Variants in DCC observed in about 807,000 individuals in gnomAD.
DCC encodes the protein netrin receptor DCC.
DCC carries 58 observed loss-of-function variants against 172.5 expected under a neutral mutation model. The observed-to-expected ratio is 0.34, with a 90% CI of 0.27 to 0.42. The LOEUF (loss-of-function observed/expected upper bound fraction) is 0.42. Among genes scored for constraint, DCC ranks in the 10% least tolerant of loss-of-function variants. The pLI, the probability that DCC is intolerant of heterozygous loss-of-function variation, is 1.00. For synonymous variants in DCC, 709 were observed against 644.5 expected (o/e 1.10, Z -1.52); for missense variants, 1,740 against 1,791.0 (o/e 0.97, Z 0.51).
At chr18:53,362,396 G>A (rs16956626) in intron 15 of DCC, among the ~76,000 whole-genome samples, 20,214 of 152,182 alleles carry the variant, frequency 0.13, 1,490 homozygotes, top group East Asian at 0.21. Context: ...AATGGGAGCC[G>A]GAAGTGCTTT....
rs191423458 is a variant in DCC, at chr18:52,978,580, C to T, written c.985+53210C>T. 2.1e-3 allele frequency among the ~76,000 whole-genome samples: 321 copies of T among 152,186 alleles called. 6 individuals carry two copies. Among genetic ancestry groups the T allele is most frequent in the Admixed American group, 0.019 (293 of 15,286 alleles). ...CAACTCATTTTATACAGGAGGAAAC[C>T]AAAGTACAGGTGGTATTGTGCCAAA... On this transcript the variant is annotated intron_variant, in intron 5 of 28. Coordinates refer to ENST00000442544, the MANE Select transcript of DCC (RefSeq NM_005215.4).
chr18:53,268,312 A>G (rs1293561710), intron 12 of DCC, among the ~76,000 whole-genome samples: 1 of 152,214 alleles, frequency 6.6e-6, no homozygotes, highest in East Asian at 1.9e-4. Flanking sequence ...ATGTAAATAG[A>G]ACATGTAACA....
intron 1 of DCC, among the ~76,000 whole-genome samples, chr18:52,742,492 AATGC>A (rs1204663385): frequency 6.6e-6 from 1 of 152,202 alleles, no homozygotes; most frequent in African/African-American, 2.4e-5. Flanking sequence ...AGCCTTGAAT[AATGC>A]CTGATGCAGT....
chr18:53,123,951 A>C (rs748897311), intron 7 of DCC, among the ~76,000 whole-genome samples: 1 of 152,036 alleles, frequency 6.6e-6, no homozygotes, highest in Non-Finnish European at 1.5e-5. Flanking sequence ...GCACATCAGG[A>C]ACATATCAGA....
At chr18:52,632,058 T>C (rs923063370) in intron 1 of DCC, among the ~76,000 whole-genome samples, 3 of 152,218 alleles carry the variant, frequency 2.0e-5, no homozygotes, top group African/African-American at 7.2e-5. Context: ...TTCATCTTTC[T>C]GATGTCAACT....
At chr18:52,611,025 C>T (rs926630729) in intron 1 of DCC, among the ~76,000 whole-genome samples, 3 of 152,048 alleles carry the variant, frequency 2.0e-5, no homozygotes, top group Admixed American at 2.0e-4. Flanking sequence ...ATGTTTGTTG[C>T]CAAAGTGGTT....
At chr18:53,012,768 A>T (rs917975938) in intron 5 of DCC, among the ~76,000 whole-genome samples, 2 of 152,144 alleles carry the variant, frequency 1.3e-5, no homozygotes, top group African/African-American at 4.8e-5. Flanking sequence ...CATAAAATAC[A>T]TAAAGACCTT....
chr18:53,041,038 A>G (rs1231272837), intron 5 of DCC, among the ~76,000 whole-genome samples: 8 of 152,038 alleles, frequency 5.3e-5, no homozygotes, highest in Non-Finnish European at 4.4e-5. Flanking sequence ...CTTTAGTTTA[A>G]TTAGATCCCA....
At chr18:53,054,712 GA>G (rs1417551909) in intron 5 of DCC, among the ~76,000 whole-genome samples, 1 of 152,090 alleles carries the variant, frequency 6.6e-6, no homozygotes, top group East Asian at 1.9e-4. Context: ...ATTGTGTGGA[GA>G]GATCTAGAAT....
chr18:52,380,500 C>T (rs1985539236), intron 1 of DCC, among the ~76,000 whole-genome samples: 1 of 152,036 alleles, frequency 6.6e-6, no homozygotes, highest in Non-Finnish European at 1.5e-5. Flanking sequence ...TCTCTCCATT[C>T]CCCACATCTC....
chr18:53,161,640 C>T (rs2054841130), intron 8 of DCC, among the ~76,000 whole-genome samples: 1 of 152,098 alleles, frequency 6.6e-6, no homozygotes, highest in South Asian at 2.1e-4. Flanking sequence ...TGAATAAAAC[C>T]AAATACCTGT....
At chr18:52,341,034 A>G (rs1386502557) in intron 1 of DCC, among the ~76,000 whole-genome samples, 156 bp downstream of exon 1, 1 of 135,170 alleles carries the variant, frequency 7.4e-6, no homozygotes, top group Admixed American at 8.0e-5. Flanking sequence ...AAGATAGAAG[A>G]GTTTTTTTCT....
intron 15 of DCC, among the ~76,000 whole-genome samples, chr18:53,364,358 C>T (rs1371285116): frequency 1.3e-5 from 2 of 151,324 alleles, no homozygotes; most frequent in Admixed American, 6.6e-5. Flanking sequence ...AGGAAATTGC[C>T]CCTGTTTTTT....
At chr18:52,687,804 T>G (rs1225532050) in intron 1 of DCC, among the ~76,000 whole-genome samples, 1 of 152,086 alleles carries the variant, frequency 6.6e-6, no homozygotes, top group African/African-American at 2.4e-5. Flanking sequence ...GTATAGGTAT[T>G]GTGGATGGAA....
chr18:53,074,132 G>A (rs770174426), intron 7 of DCC, among the ~76,000 whole-genome samples: 84 of 152,114 alleles, frequency 5.5e-4, no homozygotes, highest in Non-Finnish European at 8.5e-4. Flanking sequence ...TACTGGTGGA[G>A]AATTAAGTTA....
chr18:52,567,614 T>C (rs1286168396), intron 1 of DCC, among the ~76,000 whole-genome samples: 3 of 152,148 alleles, frequency 2.0e-5, no homozygotes, highest in South Asian at 2.1e-4. Context: ...TTAAATAATG[T>C]GTATGCGTCA....
chr18:53,321,899 T>A (rs1479341269), intron 13 of DCC, 148 bp from the exon 14 acceptor site: 2 of 681,206 alleles, frequency 2.9e-6, no homozygotes, highest in Non-Finnish European at 5.4e-6. Flanking sequence ...TTCTACCCTT[T>A]TAGTCAAAAT....
chr18:53,422,464 C>T (rs921658562), intron 21 of DCC, among the ~76,000 whole-genome samples: 9 of 152,116 alleles, frequency 5.9e-5, no homozygotes, highest in Non-Finnish European at 1.2e-4. Flanking sequence ...AATCTCTGCT[C>T]TTGACGTTGT....
intron 5 of DCC, among the ~76,000 whole-genome samples, chr18:52,939,797 A>G (rs1419466051): frequency 6.6e-6 from 1 of 152,142 alleles, no homozygotes; most frequent in Non-Finnish European, 1.5e-5. Context: ...TTCTCATACC[A>G]TGGTCAGAGG....
Sources: gnomAD v4.1 joint callset for allele counts (sites outside exome capture counted in the v4.1 genomes callset) on GRCh38, gnomAD v4.1.1 for gene constraint, MANE v1.5 for transcripts, NCBI Gene and HGNC (gene_info 2026-07-23, HGNC 2026-07-21) for gene names.